Variants in SH3KBP1 observed in about 807,000 individuals in gnomAD.
SH3KBP1 encodes the protein SH3 domain containing kinase binding protein 1.
In SH3KBP1, 8 loss-of-function variants were observed where a neutral mutation model predicts 50.1. The ratio of observed to expected loss-of-function variants is 0.16; its 90% CI spans 0.09 to 0.29. The LOEUF is 0.29. Ranked by LOEUF, SH3KBP1 falls within the 10% of genes least tolerant of loss-of-function variation. SH3KBP1 has a pLI of 1.00. For synonymous variants in SH3KBP1, 227 were observed against 218.6 expected (o/e 1.04, Z -0.34); for missense variants, 377 against 535.2 (o/e 0.70, Z 2.92).
At chrX:19,575,327 G>A (rs896543807) in intron 12 of SH3KBP1, among the ~76,000 whole-genome samples, 2 of 111,876 alleles carry the variant, frequency 1.8e-5, no homozygotes, top group African/African-American at 6.5e-5. Context: ...GACCTGGGGT[G>A]AACCCTTGTC....
chrX:19,692,843 C>T (rs1325729093), intron 5 of SH3KBP1, among the ~76,000 whole-genome samples: 2 of 107,827 alleles, frequency 1.9e-5, no homozygotes, highest in Non-Finnish European at 3.8e-5. Flanking sequence ...CCAGCACGCC[C>T]AGCTAATTTT....
rs1417768674 is a variant in SH3KBP1, at chrX:19,558,671, A to C, written c.1385-8588T>G. Among the ~76,000 whole-genome samples the C allele has an allele frequency of 2.7e-5, 3 of 112,173 alleles. No homozygotes were observed. In the Admixed American group the frequency reaches 2.9e-4, roughly 11 times the overall value. ...TTTATCATCTTTCTATTGTAAAAAC[A>C]TGTATAGAAATTGAAGTTTAAGATT... On this transcript the variant is annotated intron_variant, in intron 13 of 17. Coordinates refer to ENST00000397821, the MANE Select transcript of SH3KBP1 (RefSeq NM_031892.3).
chrX:19,623,456 C>A (rs188621089), intron 8 of SH3KBP1, among the ~76,000 whole-genome samples: 1 of 112,022 alleles, frequency 8.9e-6, no homozygotes, highest in Non-Finnish European at 1.9e-5. Context: ...GAGGCCCAGG[C>A]GGGCGGATCA....
Position 19,536,376 on chromosome X carries a change from G to A in SH3KBP1, c.*41C>T, listed in dbSNP as rs376144837. ...GGCTGGGGCAGAAAATTTGAGTCTC[G>A]GACTCAGGATGAATAATGTGACATT... is the stretch of plus-strand genomic sequence containing the variant. On this transcript the variant is annotated 3_prime_UTR_variant, in exon 18 of 18. Transcript: ENST00000397821. The A allele has an allele frequency of 1.5e-5, 14 of 954,858 alleles. No individual in the cohort carries two copies. The highest frequency in any genetic ancestry group is 1.1e-4 in the Admixed American group (4 of 37,677). The allele number at this position is 954,858 out of a possible 1,213,427, so 78.7% of individuals were successfully genotyped here. A position where few individuals can be genotyped will look rare whatever the true frequency, so the allele number is the denominator to read the frequency against.
At chrX:19,777,458 T>A (rs1386340793) in intron 2 of SH3KBP1, among the ~76,000 whole-genome samples, 1 of 111,443 alleles carries the variant, frequency 9.0e-6, no homozygotes, top group Non-Finnish European at 1.9e-5. Flanking sequence ...CTGCTGGCTT[T>A]CTGGATGAGT....
intron 7 of SH3KBP1, among the ~76,000 whole-genome samples, chrX:19,638,408 CAA>C (rs59079416): frequency 9.5e-5 from 4 of 42,036 alleles, no homozygotes; most frequent in South Asian, 1.6e-3. Context: ...GACTCCGTCT[CAA>C]AAAAAAAAAA....
intron 2 of SH3KBP1, among the ~76,000 whole-genome samples, chrX:19,761,853 G>A (rs1210630065): frequency 8.9e-6 from 1 of 112,529 alleles, no homozygotes; most frequent in Non-Finnish European, 1.9e-5. Context: ...TACATAACAA[G>A]AGGACACAAA....
intron 2 of SH3KBP1, among the ~76,000 whole-genome samples, chrX:19,761,210 GAAGA>G (rs2065416707): frequency 3.4e-5 from 2 of 58,881 alleles, no homozygotes; most frequent in Non-Finnish European, 3.1e-5. Context: ...GGGAGGGGGG[GAAGA>G]GAGAGAGGGA....
chrX:19,791,907 C>T (rs2066543811), intron 2 of SH3KBP1, among the ~76,000 whole-genome samples: 1 of 111,675 alleles, frequency 9.0e-6, no homozygotes, highest in Admixed American at 9.6e-5. Context: ...TTAATCAATA[C>T]ATTTCCGTAA....
At chrX:19,548,441 G>A (rs2147622697) in intron 14 of SH3KBP1, among the ~76,000 whole-genome samples, 1 of 111,087 alleles carries the variant, frequency 9.0e-6, no homozygotes, top group South Asian at 3.8e-4. Context: ...GTATAAGAGG[G>A]GTGTTGGGGT....
chrX:19,605,015 C>T (rs1226134550), intron 9 of SH3KBP1, among the ~76,000 whole-genome samples: 1 of 111,345 alleles, frequency 9.0e-6, no homozygotes, highest in South Asian at 3.8e-4. Flanking sequence ...CCCCAGAGAG[C>T]GTGCATGTCC....
At chrX:19,876,166 C>T (rs1429437146) in intron 1 of SH3KBP1, among the ~76,000 whole-genome samples, 1 of 111,557 alleles carries the variant, frequency 9.0e-6, no homozygotes, top group Non-Finnish European at 1.9e-5. Context: ...CCAGACCAGC[C>T]TGGCCAACAT....
chrX:19,704,903 C>T (rs1370650684), intron 4 of SH3KBP1, among the ~76,000 whole-genome samples: 1 of 112,454 alleles, frequency 8.9e-6, no homozygotes, highest in Non-Finnish European at 1.9e-5. Context: ...ACACGTTTCA[C>T]ATGTTTCTTC....
chrX:19,706,998 G>A lies in SH3KBP1; in HGVS notation c.287-14C>T. 6 of 1,168,137 alleles carry A rather than the reference G, an allele frequency of 5.1e-6. No individual in the cohort carries two copies. The highest frequency in any genetic ancestry group is 7.0e-6 in the Non-Finnish European group (6 of 855,530). On this transcript the variant is annotated splice_polypyrimidine_tract_variant and intron_variant, in intron 3 of 17. Transcript: ENST00000397821. ...TCCGTCGCTCGCCTGGATGGGAAAA[G>A]CAAAATATTTAGAGACAGCTCTTCT...
chrX:19,762,028 G>C (rs1042190667), intron 2 of SH3KBP1, among the ~76,000 whole-genome samples: 8 of 112,368 alleles, frequency 7.1e-5, no homozygotes, highest in African/African-American at 2.6e-4. Context: ...GTGTCTGAAA[G>C]TAGATTTTGG....
chrX:19,854,564 A>G (rs770889388), intron 1 of SH3KBP1, among the ~76,000 whole-genome samples: 1 of 112,145 alleles, frequency 8.9e-6, no homozygotes, highest in African/African-American at 3.2e-5. Flanking sequence ...TGATTGTGTA[A>G]ATGAGTGTTG....
chrX:19,718,925 C>A (rs1269878514), intron 3 of SH3KBP1, among the ~76,000 whole-genome samples: 1 of 111,128 alleles, frequency 9.0e-6, no homozygotes, highest in Non-Finnish European at 1.9e-5. Context: ...TGGCCAGACA[C>A]CACCAGCCTA....
chrX:19,642,527 C>A (rs770990555), intron 7 of SH3KBP1, among the ~76,000 whole-genome samples: 3 of 111,987 alleles, frequency 2.7e-5, no homozygotes, highest in Non-Finnish European at 5.6e-5. Context: ...AAGGATTTTT[C>A]CCCCCAACCC....
At chrX:19,557,955 G>A (rs1485954790) in intron 13 of SH3KBP1, among the ~76,000 whole-genome samples, 2 of 112,251 alleles carry the variant, frequency 1.8e-5, no homozygotes, top group Non-Finnish European at 3.8e-5. Context: ...GGGGGGACAC[G>A]TCTTACTGTA....
Sources: gnomAD v4.1 joint callset for allele counts (sites outside exome capture counted in the v4.1 genomes callset) on GRCh38, gnomAD v4.1.1 for gene constraint, MANE v1.5 for transcripts, NCBI Gene and HGNC (gene_info 2026-07-23, HGNC 2026-07-21) for gene names.